Variants in NSD3 observed in about 807,000 individuals in gnomAD.
NSD3 encodes the protein nuclear receptor binding SET domain protein 3.
A neutral mutation model predicts 160.8 loss-of-function variants in NSD3; 24 were observed. The ratio of observed to expected loss-of-function variants is 0.15; its 90% CI spans 0.11 to 0.21. The LOEUF is 0.21. Among genes scored for constraint, NSD3 ranks in the 10% least tolerant of loss-of-function variants. NSD3 has a pLI of 1.00. For missense variants in NSD3, 1,157 were observed against 1,735.9 expected (o/e 0.67, Z 5.93); for synonymous variants, 520 against 600.0 (o/e 0.87, Z 1.95).
chr8:38,360,254 G>T (rs925709862), intron 1 of NSD3, among the ~76,000 whole-genome samples: 4 of 151,996 alleles, frequency 2.6e-5, no homozygotes, highest in Non-Finnish European at 5.9e-5. Context: ...ACTTTGGCTG[G>T]GATTACAGCC....
intron 1 of NSD3, among the ~76,000 whole-genome samples, chr8:38,375,944 T>C (rs931509435): frequency 2.0e-5 from 3 of 152,118 alleles, no homozygotes; most frequent in African/African-American, 7.2e-5. Flanking sequence ...GACTATCTTT[T>C]TGTTTTAAAA....
intron 20 of NSD3, chr8:38,279,980 G>T: frequency 4.2e-6 from 1 of 238,466 alleles, no homozygotes; most frequent in Non-Finnish European, 8.1e-6. Flanking sequence ...GTTTAGGAAT[G>T]GTATTTTCTG....
chr8:38,338,265 A>G (rs1204180116), intron 3 of NSD3, among the ~76,000 whole-genome samples: 2 of 150,754 alleles, frequency 1.3e-5, no homozygotes, highest in Non-Finnish European at 2.9e-5. Context: ...GCGCCACTGC[A>G]CTCCAGCCTG....
intron 21 of NSD3, among the ~76,000 whole-genome samples, chr8:38,278,987 AT>A (rs766267897): frequency 5.3e-5 from 8 of 152,112 alleles, no homozygotes; most frequent in Non-Finnish European, 1.2e-4. Context: ...CTTCTCACCA[AT>A]TTTTCTACAA....
In NSD3 at chr8:38,279,655, T is replaced by C; in HGVS notation, c.3645A>G (p.Lys1215=). The change falls in exon 21 of 24, where the codon AAA becomes AAG. Residue 1215 remains lysine (K), a synonymous_variant. Coordinates refer to ENST00000317025, the MANE Select transcript of NSD3 (RefSeq NM_023034.2). ...TKDRIIDAGP[K]GNYSRFMNHS... is the part of the protein sequence containing the mutation. Reference sequence around the variant, plus strand: ...GGTTCATGAAGCGAGAATAATTTCCTTTTGGGCCGGCATCAATTATACGGT... The same window carrying C: ...GGTTCATGAAGCGAGAATAATTTCCCTTTGGGCCGGCATCAATTATACGGT... The C allele has an allele frequency of 6.2e-7, 1 of 1,613,880 alleles. No homozygotes were observed. Among genetic ancestry groups the C allele is most frequent in the Admixed American group, 1.7e-5 (1 of 60,020 alleles).
At chr8:38,279,766 G>C in intron 20 of NSD3, 85 bp from the exon 21 acceptor site, 1 of 1,450,098 alleles carries the variant, frequency 6.9e-7, no homozygotes, top group Non-Finnish European at 9.3e-7. Context: ...ACAGGCAGCA[G>C]CATTTTGCTA....
Position 38,321,257 on chromosome 8 carries a change from G to T in NSD3, c.1709-85C>A. 2.8e-6 allele frequency: 3 copies of T among 1,059,224 alleles called. No individual in the cohort carries two copies. Among genetic ancestry groups the T allele is most frequent in the South Asian group, 3.3e-5 (2 of 60,512 alleles). 65.6% of individuals were successfully genotyped at this position (1,059,224 alleles called of 1,614,324 possible). On this transcript the variant is annotated intron_variant, in intron 7 of 23. Transcript: ENST00000317025. This position sits in a 1 kb window ranked among gnomAD's most constrained non-coding sequence, Gnocchi z 4.7. Reference sequence around the variant, plus strand: ...TAATTAAGATATGACCACATTCCTTGCTTTTCTTACCCATTACTTTTGGAA... The same window carrying T: ...TAATTAAGATATGACCACATTCCTTTCTTTTCTTACCCATTACTTTTGGAA...
chr8:38,339,554 G>A (rs758635765), intron 2 of NSD3, among the ~76,000 whole-genome samples: 2 of 151,886 alleles, frequency 1.3e-5, no homozygotes, highest in Non-Finnish European at 2.9e-5. Context: ...GTGAAACCCC[G>A]TCTCTACTAA....
chr8:38,347,294 T>C (rs1050980108), intron 2 of NSD3, among the ~76,000 whole-genome samples: 22 of 152,228 alleles, frequency 1.4e-4, no homozygotes, highest in African/African-American at 4.8e-4. Context: ...TTACATGTTT[T>C]AAAAATATTT....
intron 11 of NSD3, among the ~76,000 whole-genome samples, chr8:38,314,993 C>G (rs1382914965): frequency 6.6e-6 from 1 of 152,220 alleles, no homozygotes; most frequent in Non-Finnish European, 1.5e-5. Context: ...TAGACAATTA[C>G]AGTATTTCCA....
At chr8:38,297,164 TATAGAATGAAGTACC>T in intron 15 of NSD3, among the ~76,000 whole-genome samples, 1 of 152,320 alleles carries the variant, frequency 6.6e-6, no homozygotes, top group East Asian at 1.9e-4. Context: ...TAGTTATCAG[TATAGAATGAAGTACC>T]ATATGCAAGG....
At chr8:38,359,999 A>ATTT (rs3050695) in intron 1 of NSD3, among the ~76,000 whole-genome samples, 1,730 of 143,338 alleles carry the variant, frequency 0.012, 18 homozygotes, top group Middle Eastern at 0.021. Flanking sequence ...CTCTCAAACA[A>ATTT]TTTTTTTTTT....
At chr8:38,279,829 A>G (rs1808689894) in intron 20 of NSD3, 148 bp from the exon 21 acceptor site, 2 of 782,376 alleles carry the variant, frequency 2.6e-6, no homozygotes, top group Non-Finnish European at 3.9e-6. Flanking sequence ...TGCCTGGGTA[A>G]TTTACTAAGT....
chr8:38,313,448 T>C (rs1253647150), intron 12 of NSD3, among the ~76,000 whole-genome samples: 2 of 152,034 alleles, frequency 1.3e-5, no homozygotes, highest in African/African-American at 4.8e-5. Flanking sequence ...ATAGTACCTA[T>C]CTCATCATGG....
Position 38,289,455 on chromosome 8 carries a change from T to C in NSD3, c.3169A>G (p.Ser1057Gly). ...TTTTCAATCTCTAGGGCTTCTTTAC[T>C]TTCTCTTTGTGCTTTCAATTCCTGG... The part of the protein sequence containing the change: ...RFQELKAQRE[S>G]KEALEIEKNS... Residue 1057 changes from serine (S) to glycine (G), a missense_variant, in exon 18 of 24, where the codon AGT (serine) becomes GGT (glycine). Coordinates refer to ENST00000317025, the MANE Select transcript of NSD3 (RefSeq NM_023034.2). 2 of 1,614,064 alleles carry C rather than the reference T, an allele frequency of 1.2e-6. No homozygotes were observed. Among genetic ancestry groups the C allele is most frequent in the Non-Finnish European group, 1.7e-6 (2 of 1,179,972 alleles).
rs72630616 is a variant in NSD3 at position 38,367,911 on chromosome 8, G to C, written c.-45+13888C>G. ...AAATCCTAGTAAGGAATCAAGGTGTGTTAGAGAAGTTGTATGTTTTCTCTT... is the reference window on the plus strand; with the variant it reads ...AAATCCTAGTAAGGAATCAAGGTGTCTTAGAGAAGTTGTATGTTTTCTCTT... On this transcript the variant is annotated intron_variant, in intron 1 of 23. Coordinates refer to ENST00000317025, the MANE Select transcript of NSD3 (RefSeq NM_023034.2). 9.9e-3 allele frequency among the ~76,000 whole-genome samples: 1,502 copies of C among 152,190 alleles called. 19 individuals are homozygous for C. The highest frequency in any genetic ancestry group is 0.015 in the Non-Finnish European group (1,047 of 67,986).
At chr8:38,292,260 A>T (rs1264208118) in intron 16 of NSD3, among the ~76,000 whole-genome samples, 4 of 152,240 alleles carry the variant, frequency 2.6e-5, no homozygotes, top group Non-Finnish European at 4.4e-5. Flanking sequence ...AAAACAATGC[A>T]GAAATGTATA....
At position 38,321,049 on chromosome 8, in the gene NSD3, C is replaced by G. The variant is rs1809787051; in HGVS notation, c.1809+23G>C. ...AACATTTACAAATACAATGTTTTAA[C>G]TCTCTACATGTAGGAAGCCAACCTG... is the stretch of plus-strand genomic sequence containing the variant. On this transcript the variant is annotated intron_variant, in intron 8 of 23. Coordinates refer to ENST00000317025, the MANE Select transcript of NSD3 (RefSeq NM_023034.2). The surrounding 1 kb of genome is among the most constrained non-coding windows in gnomAD (Gnocchi z 4.7). 6.3e-7 allele frequency: 1 copy of G among 1,597,818 alleles called. No homozygotes were observed. Among genetic ancestry groups the G allele is most frequent in the Non-Finnish European group, 8.6e-7 (1 of 1,167,170 alleles).
rs1321247927 is a variant in NSD3, at chr8:38,278,342, T to G, written c.3831A>C (p.Ala1277=). 1.2e-6 allele frequency: 2 copies of G among 1,614,138 alleles called. No individual in the cohort carries two copies. The highest frequency in any genetic ancestry group is 3.3e-5 in the Admixed American group (2 of 60,016). The stretch of plus-strand genomic sequence containing the variant: ...CTCCTAGAAAACCACTGCAGTTATC[T>G]GCTCCACAGTGGCACTCCGTTCTGC... ...GNGRTECHCG[A]DNCSGFLGVR... The change falls in exon 22 of 24, where the codon GCA becomes GCC. Residue 1277 remains alanine (A), a synonymous_variant. Coordinates refer to ENST00000317025, the MANE Select transcript of NSD3 (RefSeq NM_023034.2).
Sources: allele counts gnomAD v4.1 joint callset (sites outside exome capture counted in the v4.1 genomes callset), GRCh38; gene constraint gnomAD v4.1.1; non-coding constraint Gnocchi (gnomAD v3.1); transcripts MANE v1.5; gene names NCBI Gene and HGNC (gene_info 2026-07-23, HGNC 2026-07-21).